The following SPRED2 variants were observed in gnomAD, a reference collection of about 807,000 sequenced individuals.
SPRED2 encodes the protein sprouty related EVH1 domain containing 2.
A neutral mutation model predicts 43.0 loss-of-function variants in SPRED2; 47 were observed. The observed-to-expected ratio is 1.09, with a 90% CI of 0.87 to 1.40. The LOEUF is 1.40. SPRED2 is among the 40% of genes most tolerant of loss of function. SPRED2 has a pLI of 0.00. For missense variants in SPRED2, 561 were observed against 586.4 expected (o/e 0.96, Z 0.45); for synonymous variants, 225 against 225.7 (o/e 1.00, Z 0.03).
intron 1 of SPRED2, among the ~76,000 whole-genome samples, chr2:65,417,923 AAAC>A (rs2103784803): frequency 6.6e-6 from 1 of 152,350 alleles, no homozygotes; most frequent in South Asian, 2.1e-4. Context: ...AACAAAAACA[AAAC>A]TTCACTTGGG....
intron 1 of SPRED2, among the ~76,000 whole-genome samples, chr2:65,389,422 CT>C (rs1675581295): frequency 6.6e-6 from 1 of 152,166 alleles, no homozygotes; most frequent in South Asian, 2.1e-4. Context: ...GTGACACCCA[CT>C]TTTGAGAAAC....
At chr2:65,378,445 GAA>G (rs986341437) in intron 1 of SPRED2, among the ~76,000 whole-genome samples, 1 of 152,202 alleles carries the variant, frequency 6.6e-6, no homozygotes, top group African/African-American at 2.4e-5. Context: ...CTCCATACAA[GAA>G]AAAGTGTGTG....
At chr2:65,400,157 T>C (rs1360441725) in intron 1 of SPRED2, among the ~76,000 whole-genome samples, 1 of 152,174 alleles carries the variant, frequency 6.6e-6, no homozygotes, top group Non-Finnish European at 1.5e-5. Context: ...TTCTGGTCCC[T>C]CCACAATCCT....
intron 5 of SPRED2, among the ~76,000 whole-genome samples, chr2:65,316,065 A>G (rs958662222): frequency 6.6e-6 from 1 of 152,252 alleles, no homozygotes; most frequent in African/African-American, 2.4e-5. Context: ...ATGTTTAAAA[A>G]CAAAACAAAA....
At chr2:65,356,300 A>G (rs1287739985) in intron 1 of SPRED2, among the ~76,000 whole-genome samples, 3 of 152,214 alleles carry the variant, frequency 2.0e-5, no homozygotes, top group African/African-American at 7.2e-5. Context: ...AAACAATAAT[A>G]GCAAAATGCT....
chr2:65,349,707 T>TA (rs1201339804), intron 1 of SPRED2, among the ~76,000 whole-genome samples: 2 of 152,250 alleles, frequency 1.3e-5, no homozygotes, highest in Non-Finnish European at 2.9e-5. Flanking sequence ...ACCCATTTGT[T>TA]AGAGAATTTA....
chr2:65,366,018 T>A (rs529520882), intron 1 of SPRED2, among the ~76,000 whole-genome samples: 1 of 145,006 alleles, frequency 6.9e-6, no homozygotes, highest in South Asian at 2.5e-4. Context: ...ATGAGCAAAT[T>A]GTGATTTATA....
chr2:65,327,997 C>T (rs964099828), intron 4 of SPRED2, among the ~76,000 whole-genome samples: 19 of 152,148 alleles, frequency 1.2e-4, no homozygotes, highest in African/African-American at 3.9e-4. Flanking sequence ...GCTGGGATTA[C>T]AGGCATGAAC....
At chr2:65,334,208 A>G (rs1021397159) in intron 3 of SPRED2, 2 of 472,106 alleles carry the variant, frequency 4.2e-6, no homozygotes, top group Non-Finnish European at 8.8e-6. Context: ...CTCTGATTAC[A>G]GGAGGACAGT....
chr2:65,413,606 G>C (rs75132813), intron 1 of SPRED2, among the ~76,000 whole-genome samples: 2,916 of 152,322 alleles, frequency 0.019, 45 homozygotes, highest in Middle Eastern at 0.034. Context: ...GCATACCCAA[G>C]TCACCGTGCA....
intron 1 of SPRED2, among the ~76,000 whole-genome samples, chr2:65,379,702 T>C (rs929470444): frequency 1.3e-5 from 2 of 152,126 alleles, no homozygotes; most frequent in African/African-American, 4.8e-5. Flanking sequence ...GAGTCGACAC[T>C]GCAATAGAGA....
At position 65,429,855 on chromosome 2, in the gene SPRED2, C is replaced by T. The variant is rs1225517832; in HGVS notation, c.26+2107G>A. The stretch of plus-strand genomic sequence containing the variant: ...GGACTCGTGACAGCAGTGGAGGCTA[C>T]GGCTTCATGCTGAACTTGCTCTGAG... On this transcript the variant is annotated intron_variant, in intron 1 of 5. Coordinates refer to ENST00000356388, the MANE Select transcript of SPRED2 (RefSeq NM_181784.3). Among the ~76,000 whole-genome samples the T allele has an allele frequency of 5.3e-5, 8 of 152,342 alleles. No homozygotes were observed. In the East Asian group the frequency reaches 5.8e-4, roughly 11 times the overall value.
chr2:65,313,397 C>G lies in SPRED2; in HGVS notation c.*104G>C. The stretch of plus-strand genomic sequence containing the variant: ...CCAGGGAGCTGGGAGGCCGCTTGCC[C>G]TCCTCGCTCCTTGGAGTGGAAGGGA... On this transcript the variant is annotated 3_prime_UTR_variant, in exon 6 of 6. Coordinates refer to ENST00000356388, the MANE Select transcript of SPRED2 (RefSeq NM_181784.3). 9 of 1,503,430 alleles carry G rather than the reference C, an allele frequency of 6.0e-6. No homozygotes were observed. The South Asian group carries it at 1.2e-4, about 20-fold the overall frequency. 93.1% of individuals were successfully genotyped at this position (1,503,430 alleles called of 1,614,324 possible).
chr2:65,356,557 T>TGTG (rs1221683487), intron 1 of SPRED2, among the ~76,000 whole-genome samples: 93 of 122,656 alleles, frequency 7.6e-4, no homozygotes, highest in African/African-American at 3.1e-3. Flanking sequence ...TTTTTTTTTT[T>TGTG]TGTGTGTGTG....
At chr2:65,385,349 C>T (rs1232974336) in intron 1 of SPRED2, among the ~76,000 whole-genome samples, 1 of 152,170 alleles carries the variant, frequency 6.6e-6, no homozygotes, top group Non-Finnish European at 1.5e-5. Context: ...TAAAAATTTC[C>T]TAAGATTTCC....
intron 4 of SPRED2, among the ~76,000 whole-genome samples, chr2:65,328,827 T>C (rs1252097195): frequency 2.0e-5 from 3 of 152,200 alleles, no homozygotes; most frequent in East Asian, 3.8e-4. Context: ...ACAACACTGG[T>C]AGATCTGCCC....
chr2:65,344,877 C>G lies in SPRED2; in HGVS notation c.46G>C (p.Val16Leu). ...HPDDDSYIVR[V>L]KAVVMTRDDS... The stretch of plus-strand genomic sequence containing the variant: ...TCTCTGGTCATAACCACAGCCTTGA[C>G]ACGCACAATATAGCTGTCACTAAAA... The change falls in exon 2 of 6, where the codon GTC (valine) becomes CTC (leucine). Residue 16 changes from valine to leucine, a missense_variant. Physicochemically the swap from Val to Leu is conservative, Grantham distance 32. Coordinates refer to ENST00000356388, the MANE Select transcript of SPRED2 (RefSeq NM_181784.3). 1 of 1,614,120 alleles carries G rather than the reference C, an allele frequency of 6.2e-7. No individual in the cohort carries two copies. Among genetic ancestry groups the G allele is most frequent in the South Asian group, 1.1e-5 (1 of 91,084 alleles).
At chr2:65,395,423 A>C (rs969394296) in intron 1 of SPRED2, among the ~76,000 whole-genome samples, 1 of 152,028 alleles carries the variant, frequency 6.6e-6, no homozygotes, top group African/African-American at 2.4e-5. Context: ...TGGAAGTTAG[A>C]AGCCTCTGCC....
chr2:65,354,218 G>A (rs571904042), intron 1 of SPRED2, among the ~76,000 whole-genome samples: 24 of 152,296 alleles, frequency 1.6e-4, no homozygotes, highest in Admixed American at 3.3e-4. Flanking sequence ...AACCTACTGT[G>A]GCAGATGGAA....
Sources: allele counts gnomAD v4.1 joint callset (sites outside exome capture counted in the v4.1 genomes callset), GRCh38; gene constraint gnomAD v4.1.1; transcripts MANE v1.5; gene names NCBI Gene and HGNC (gene_info 2026-07-23, HGNC 2026-07-21).